The following PID1 variants were observed in gnomAD, a reference collection of about 807,000 sequenced individuals.
The protein encoded by PID1 is phosphotyrosine interaction domain containing 1.
Under a neutral mutation model 19.1 loss-of-function variants are expected in PID1, and 10 were observed. That is an observed-to-expected ratio of 0.52 (90% confidence interval 0.32 to 0.89). The LOEUF (loss-of-function observed/expected upper bound fraction) is 0.89, where lower values mean the gene tolerates loss of function less well. Among genes scored for constraint, PID1 ranks in the 40% least tolerant of loss-of-function variants. The pLI is 0.03. For synonymous variants in PID1, 130 were observed against 116.0 expected (o/e 1.12, Z -0.78); for missense variants, 248 against 285.3 (o/e 0.87, Z 0.94).
At chr2:229,199,148 A>C (rs1377258519) in intron 1 of PID1, among the ~76,000 whole-genome samples, 1 of 151,936 alleles carries the variant, frequency 6.6e-6, no homozygotes, top group African/African-American at 2.4e-5. Context: ...CCCCCACCCC[A>C]AATATGCCTG....
intron 2 of PID1, among the ~76,000 whole-genome samples, chr2:229,102,842 C>A (rs1363796625): frequency 2.0e-5 from 3 of 152,192 alleles, no homozygotes; most frequent in African/African-American, 7.2e-5. Context: ...ACCTGCCATG[C>A]GGCTCATCAC....
At chr2:229,183,361 C>T (rs555136620) in intron 1 of PID1, among the ~76,000 whole-genome samples, 2 of 152,302 alleles carry the variant, frequency 1.3e-5, no homozygotes, top group East Asian at 3.9e-4. Context: ...TTGTTTTAAG[C>T]CCTCATGATA....
At chr2:229,057,707 G>T (rs1694133071) in intron 2 of PID1, among the ~76,000 whole-genome samples, 1 of 152,162 alleles carries the variant, frequency 6.6e-6, no homozygotes, top group South Asian at 2.1e-4. Context: ...TGAGTTGGTA[G>T]AACTGGTTAG....
chr2:229,209,781 A>T (rs1207900655), intron 1 of PID1, among the ~76,000 whole-genome samples: 1 of 152,084 alleles, frequency 6.6e-6, no homozygotes, highest in East Asian at 1.9e-4. Context: ...AGATAAGTTT[A>T]TTTTTAATGC....
intron 1 of PID1, among the ~76,000 whole-genome samples, chr2:229,235,808 C>T (rs535436844): frequency 5.9e-5 from 9 of 152,210 alleles, no homozygotes; most frequent in Admixed American, 2.6e-4. Flanking sequence ...AGAAGAAACG[C>T]CAGCCAAACA....
chr2:229,088,543 T>C (rs1694811892), intron 2 of PID1, among the ~76,000 whole-genome samples: 2 of 152,130 alleles, frequency 1.3e-5, no homozygotes, highest in Non-Finnish European at 2.9e-5. Flanking sequence ...AAACCAGACC[T>C]CTTCACAATA....
intron 1 of PID1, chr2:229,232,168 A>G: frequency 7.0e-7 from 1 of 1,421,308 alleles, no homozygotes; most frequent in Non-Finnish European, 9.2e-7. Context: ...TCACGCCTGT[A>G]ATCCCAGCAC....
At chr2:229,162,979 G>A (rs1690520176) in intron 1 of PID1, among the ~76,000 whole-genome samples, 1 of 152,042 alleles carries the variant, frequency 6.6e-6, no homozygotes, top group Non-Finnish European at 1.5e-5. Flanking sequence ...TAAACAATTT[G>A]TATATTTAAC....
In PID1 at chr2:229,050,203, C is replaced by T. The variant is rs568353532; in HGVS notation, c.178-24095G>A. On this transcript the variant is annotated intron_variant, in intron 2 of 2. Coordinates refer to ENST00000392055, the MANE Select transcript of PID1 (RefSeq NM_001100818.2). Reference sequence around the variant, plus strand: ...AAATCTTAGCCAACCATACAAAAGGCCCGCAGCTGTATCTGTACAATCCCC... The same window carrying T: ...AAATCTTAGCCAACCATACAAAAGGTCCGCAGCTGTATCTGTACAATCCCC... Among the ~76,000 whole-genome samples the T allele has an allele frequency of 5.3e-5, 8 of 152,284 alleles. No homozygotes were observed. In the South Asian group the frequency reaches 1.5e-3, roughly 28 times the overall value.
chr2:229,124,284 C>T (rs1055139513), intron 2 of PID1, among the ~76,000 whole-genome samples: 1 of 152,118 alleles, frequency 6.6e-6, no homozygotes, highest in East Asian at 1.9e-4. Context: ...CCTCATCATA[C>T]TTTATCCATC....
chr2:229,223,214 T>C (rs943320237), intron 1 of PID1, among the ~76,000 whole-genome samples: 10 of 152,168 alleles, frequency 6.6e-5, no homozygotes, highest in African/African-American at 2.4e-4. Context: ...GTAATTTCCC[T>C]AGTATTAGCC....
intron 1 of PID1, among the ~76,000 whole-genome samples, chr2:229,264,336 C>T (rs1690539185): frequency 6.6e-6 from 1 of 152,110 alleles, no homozygotes; most frequent in South Asian, 2.1e-4. Flanking sequence ...AGAACTAACA[C>T]TTCATCCTGA....
chr2:229,143,285 A>T (rs1013334374), intron 2 of PID1, among the ~76,000 whole-genome samples: 1 of 151,510 alleles, frequency 6.6e-6, no homozygotes, highest in Non-Finnish European at 1.5e-5. Flanking sequence ...AGCATGGCAC[A>T]TGTATACATA....
intron 2 of PID1, among the ~76,000 whole-genome samples, chr2:229,064,666 G>A (rs1694284250): frequency 6.6e-6 from 1 of 152,092 alleles, no homozygotes; most frequent in Non-Finnish European, 1.5e-5. Context: ...TGTTTTTGAA[G>A]AGTCACACTG....
chr2:229,136,932 G>A (rs762616848), intron 2 of PID1, among the ~76,000 whole-genome samples: 2 of 152,258 alleles, frequency 1.3e-5, no homozygotes, highest in Middle Eastern at 3.4e-3. Flanking sequence ...TTGGAGAAAT[G>A]AGCCATAAAC....
intron 1 of PID1, among the ~76,000 whole-genome samples, chr2:229,212,739 G>A (rs1691764863): frequency 6.6e-6 from 1 of 152,154 alleles, no homozygotes. Context: ...TAATAATTAA[G>A]TAATATTGTC....
intron 1 of PID1, among the ~76,000 whole-genome samples, chr2:229,259,020 T>C (rs780851011): frequency 1.3e-5 from 2 of 151,756 alleles, no homozygotes; most frequent in Non-Finnish European, 2.9e-5. Context: ...AAAGTTCCTG[T>C]TTTTCCACAT....
intron 2 of PID1, among the ~76,000 whole-genome samples, chr2:229,056,612 A>ATATATAT (rs375335991): frequency 2.8e-4 from 42 of 148,146 alleles, no homozygotes; most frequent in African/African-American, 9.6e-4. Flanking sequence ...AAATAAAAAT[A>ATATATAT]ATATATATAT....
At chr2:229,173,574 A>G (rs968645115) in intron 1 of PID1, among the ~76,000 whole-genome samples, 6 of 152,238 alleles carry the variant, frequency 3.9e-5, no homozygotes, top group African/African-American at 1.4e-4. Flanking sequence ...GTTGAATAAG[A>G]CAGGCATGTT....
Sources: gnomAD v4.1 joint callset for allele counts (sites outside exome capture counted in the v4.1 genomes callset) on GRCh38, gnomAD v4.1.1 for gene constraint, MANE v1.5 for transcripts, NCBI Gene and HGNC (gene_info 2026-07-23, HGNC 2026-07-21) for gene names.